Variants in PADI4 observed in about 807,000 individuals in gnomAD.
The protein encoded by PADI4 is peptidyl arginine deiminase 4, also known as protein-arginine deiminase type-4.
Under a neutral mutation model 75.0 loss-of-function variants are expected in PADI4, and 62 were observed. The observed-to-expected ratio is 0.83, with a 90% CI of 0.67 to 1.02. PADI4 has a LOEUF of 1.02. PADI4 is among the 50% of genes least tolerant of loss of function. The probability of loss-of-function intolerance (pLI) is 0.00; values close to 1 mark genes in which losing one functional copy is unlikely to be tolerated. For synonymous variants in PADI4, 361 were observed against 348.1 expected (o/e 1.04, Z -0.41); for missense variants, 845 against 850.5 (o/e 0.99, Z 0.08).
At chr1:17,352,167 A>G (rs370109965) in intron 10 of PADI4, among the ~76,000 whole-genome samples, 1,702 of 73,718 alleles carry the variant, frequency 0.023, 12 homozygotes, top group African/African-American at 0.046. Flanking sequence ...GGAGGTGATG[A>G]GAGGTGGTAG....
intron 1 of PADI4, among the ~76,000 whole-genome samples, chr1:17,313,432 C>T (rs1365079822): frequency 2.8e-4 from 34 of 123,624 alleles, no homozygotes; most frequent in African/African-American, 9.9e-4. Flanking sequence ...ACCTGGGAGG[C>T]GGAGGCTGCA....
At chr1:17,351,202 A>G (rs1481974379) in intron 10 of PADI4, among the ~76,000 whole-genome samples, 19 of 34,010 alleles carry the variant, frequency 5.6e-4, no homozygotes, top group Non-Finnish European at 1.0e-3. Context: ...GTCCCAGAGG[A>G]AAAAAAAAAA....
At chr1:17,341,307 G>T (rs1424597381) in intron 6 of PADI4, among the ~76,000 whole-genome samples, 1 of 152,052 alleles carries the variant, frequency 6.6e-6, no homozygotes, top group Non-Finnish European at 1.5e-5. Context: ...CACCATGTTG[G>T]CCAGGCTGGT....
At chr1:17,342,651 C>T (rs1321278826) in intron 8 of PADI4, among the ~76,000 whole-genome samples, 2 of 152,160 alleles carry the variant, frequency 1.3e-5, no homozygotes, top group African/African-American at 2.4e-5. Flanking sequence ...GGACCTTGTG[C>T]ACCAGAAACT....
chr1:17,359,842 C>G (rs1156976618), intron 15 of PADI4, among the ~76,000 whole-genome samples: 1 of 152,168 alleles, frequency 6.6e-6, no homozygotes, highest in Non-Finnish European at 1.5e-5. Context: ...GTCAGTGAAC[C>G]AGTCCAAGGA....
intron 1 of PADI4, among the ~76,000 whole-genome samples, chr1:17,311,583 G>GGT (rs2073829881): frequency 6.6e-6 from 1 of 151,558 alleles, no homozygotes; most frequent in Non-Finnish European, 1.5e-5. Context: ...GGAGTGCAGT[G>GGT]GCAAGATCTT....
chr1:17,328,814 G>A (rs1182301069), intron 1 of PADI4, among the ~76,000 whole-genome samples: 3 of 151,586 alleles, frequency 2.0e-5, no homozygotes, highest in South Asian at 2.1e-4. Context: ...TACAATGTTG[G>A]TTTAGATTTA....
In PADI4 at chr1:17,363,595, G is replaced by A. The variant is rs550253663; in HGVS notation, c.1832G>A (p.Cys611Tyr). The A allele has an allele frequency of 1.7e-5, 28 of 1,614,184 alleles. No individual in the cohort carries two copies. In the South Asian group the frequency reaches 3.0e-4, roughly 17 times the overall value. ...GGGCCCGTCATCAACGGCCGCTGCT[G>A]CCTGGAGGAGAAGGTGTGTTCCCTG... ...PFGPVINGRC[C>Y]LEEKVCSLLE... Residue 611 changes from cysteine to tyrosine, a missense_variant, in exon 16 of 16, where the codon TGC becomes TAC. Transcript: ENST00000375448.
chr1:17,337,743 C>T (rs993011838), intron 4 of PADI4, among the ~76,000 whole-genome samples: 4 of 151,742 alleles, frequency 2.6e-5, no homozygotes, highest in Non-Finnish European at 4.4e-5. Context: ...GGTGAAATCC[C>T]ATCTCTACTA....
chr1:17,328,574 G>A (rs1324960473), intron 1 of PADI4, among the ~76,000 whole-genome samples: 8 of 152,014 alleles, frequency 5.3e-5, no homozygotes, highest in Non-Finnish European at 1.2e-4. Flanking sequence ...TTGAGCATAG[G>A]AGGTCAAGGC....
intron 3 of PADI4, chr1:17,334,757 A>T: frequency 2.7e-6 from 1 of 373,720 alleles, no homozygotes; most frequent in Non-Finnish European, 5.2e-6. Flanking sequence ...ACTCATATTT[A>T]TGTAATGTTC....
rs768818536 is a variant in PADI4 at position 17,339,730 on chromosome 1, C to T, written c.569C>T (p.Pro190Leu). 3 of 1,613,852 alleles carry T rather than the reference C, an allele frequency of 1.9e-6. No individual in the cohort carries two copies. In the African/African-American group the frequency reaches 4.0e-5, roughly 22 times the overall value. Residue 190 changes from proline (P) to leucine (L), a missense_variant, in exon 6 of 16, where the codon CCC (proline) becomes CTC (leucine). Coordinates refer to ENST00000375448, the MANE Select transcript of PADI4 (RefSeq NM_012387.3). ...MSLMTLSTKT[P>L]KDFFTNHTLV... ...CTGATGACCCTGAGCACGAAGACCC[C>T]CAAGGACTTCTTCACAAACCATACA...
Position 17,359,309 on chromosome 1 carries a change from G to A in PADI4, c.1659G>A (p.Leu553=). The A allele has an allele frequency of 6.2e-7, 1 of 1,612,730 alleles. No individual in the cohort carries two copies. The highest frequency in any genetic ancestry group is 8.5e-7 in the Non-Finnish European group (1 of 1,179,866). Residue 553 remains leucine, a synonymous_variant, in exon 15 of 16, where the codon CTG becomes CTA. Transcript: ENST00000375448. ...ERCIDWNREL[L]KRELGLAESD... ...GCATCGACTGGAACCGCGAGCTGCT[G>A]AAGCGGGAGCTGGGCCTGGCCGAGA...
Position 17,308,239 on chromosome 1 carries a change from T to G in PADI4, c.17T>G (p.Leu6Trp). The G allele has an allele frequency of 1.2e-6, 2 of 1,614,058 alleles. No individual in the cohort carries two copies. Among genetic ancestry groups the G allele is most frequent in the Non-Finnish European group, 1.7e-6 (2 of 1,179,982 alleles). MAQGT[L>W]IRVTPEQPTH... ...AGCCCGACGATGGCCCAGGGGACATTGATCCGTGTGACCCCAGAGCAGCCC... is the reference window on the plus strand; with the variant it reads ...AGCCCGACGATGGCCCAGGGGACATGGATCCGTGTGACCCCAGAGCAGCCC... The change falls in exon 1 of 16, where the codon TTG (leucine) becomes TGG (tryptophan). Residue 6 changes from leucine (L) to tryptophan (W), a missense_variant. Leu to Trp is a moderately conservative substitution (Grantham distance 61). Coordinates refer to ENST00000375448, the MANE Select transcript of PADI4 (RefSeq NM_012387.3).
intron 1 of PADI4, among the ~76,000 whole-genome samples, chr1:17,311,610 C>T (rs1001367678): frequency 6.6e-6 from 1 of 151,932 alleles, no homozygotes; most frequent in African/African-American, 2.4e-5. Context: ...CCGCAAGCTC[C>T]ACCTCCCGGG....
chr1:17,334,428 T>C, intron 3 of PADI4: 1 of 459,680 alleles, frequency 2.2e-6, no homozygotes, highest in Non-Finnish European at 4.5e-6. Context: ...TCAGCGTCCC[T>C]AGTAGCTGGG....
At chr1:17,329,047 A>G (rs2074162442) in intron 1 of PADI4, among the ~76,000 whole-genome samples, 1 of 139,054 alleles carries the variant, frequency 7.2e-6, no homozygotes, top group African/African-American at 2.5e-5. Context: ...ATTAAGATAT[A>G]ATTTATTAAT....
At chr1:17,309,089 T>C (rs527925446) in intron 1 of PADI4, among the ~76,000 whole-genome samples, 1 of 151,032 alleles carries the variant, frequency 6.6e-6, no homozygotes, top group East Asian at 1.9e-4. Context: ...GTTGTTATTG[T>C]AGAACAGGAA....
At chr1:17,324,455 T>C (rs2074087209) in intron 1 of PADI4, among the ~76,000 whole-genome samples, 1 of 152,180 alleles carries the variant, frequency 6.6e-6, no homozygotes, top group South Asian at 2.1e-4. Context: ...ATATTGTCTT[T>C]TGATTAACAG....
Sources: allele counts gnomAD v4.1 joint callset (sites outside exome capture counted in the v4.1 genomes callset), GRCh38; gene constraint gnomAD v4.1.1; transcripts MANE v1.5; gene names NCBI Gene and HGNC (gene_info 2026-07-23, HGNC 2026-07-21).